DCHS2: variants seen among roughly 807,000 people sequenced by gnomAD.
DCHS2 encodes the protein protocadherin-23.
DCHS2 carries 142 observed loss-of-function variants against 182.4 expected under a neutral mutation model. The observed-to-expected ratio is 0.78, with a 90% CI of 0.68 to 0.89. The LOEUF is 0.89. Among genes scored for constraint, DCHS2 ranks in the 40% least tolerant of loss-of-function variants. The pLI is 0.00. For synonymous variants in DCHS2, 1,740 were observed against 1,663.3 expected, an observed-to-expected ratio of 1.05 and a Z score of -1.12; for missense variants, 4,319 against 4,198.6, an observed-to-expected ratio of 1.03 and a Z score of -0.79.
At chr4:154,316,138 T>G in intron 9 of DCHS2, 151 bp from the exon 10 acceptor site, 1 of 1,280,166 alleles carries the variant, frequency 7.8e-7, no homozygotes, top group Non-Finnish European at 1.0e-6. Context: ...TTTAAATGTA[T>G]ACACTATCTA....
chr4:154,250,303 T>C lies in DCHS2; in HGVS notation c.6941+5216A>G, dbSNP rs141054200. On this transcript the variant is annotated intron_variant, in intron 16 of 19. Coordinates refer to ENST00000357232, the MANE Select transcript of DCHS2 (RefSeq NM_001358235.2). The stretch of plus-strand genomic sequence containing the variant: ...AGATCTTTCTATTCCCTAAATATAT[T>C]TTGCAGTTCCTATTTATCGGCCGAA... Among the ~76,000 whole-genome samples the C allele has an allele frequency of 3.5e-4, 53 of 152,244 alleles. 1 individual carries two copies. In the East Asian group the frequency reaches 7.3e-3, roughly 21 times the overall value.
intron 13 of DCHS2, among the ~76,000 whole-genome samples, chr4:154,285,917 G>C (rs1262046798): frequency 2.6e-5 from 4 of 152,094 alleles, no homozygotes; most frequent in Non-Finnish European, 5.9e-5. Context: ...CCTTCAAGGG[G>C]ACCCAGTGCT....
intron 14 of DCHS2, 147 bp downstream of exon 14, chr4:154,269,753 C>A: frequency 1.2e-6 from 1 of 816,146 alleles, no homozygotes; most frequent in Non-Finnish European, 1.8e-6. Flanking sequence ...TTTGATTTCC[C>A]ATAATTTTTC....
intron 16 of DCHS2, among the ~76,000 whole-genome samples, chr4:154,250,451 C>A (rs1168977398): frequency 2.0e-5 from 3 of 152,072 alleles, no homozygotes; most frequent in Admixed American, 6.6e-5. Flanking sequence ...AGACCCCTAC[C>A]CTGAGCTACA....
intron 1 of DCHS2, among the ~76,000 whole-genome samples, chr4:154,484,673 C>T (rs749097952): frequency 6.6e-6 from 1 of 152,242 alleles, no homozygotes; most frequent in Non-Finnish European, 1.5e-5. Flanking sequence ...AATGATTTCG[C>T]ATAATTTCCC....
At chr4:154,381,709 T>C (rs189786279) in intron 1 of DCHS2, among the ~76,000 whole-genome samples, 1 of 151,992 alleles carries the variant, frequency 6.6e-6, no homozygotes, top group Non-Finnish European at 1.5e-5. Context: ...ATAAAATACC[T>C]AGGAATAAAT....
At chr4:154,429,370 G>A (rs1043665688) in intron 1 of DCHS2, among the ~76,000 whole-genome samples, 2 of 152,080 alleles carry the variant, frequency 1.3e-5, no homozygotes, top group Non-Finnish European at 2.9e-5. Flanking sequence ...TTGATGGGAC[G>A]CCAAGTCCTA....
chr4:154,298,384 G>A lies in DCHS2; in HGVS notation c.5930C>T (p.Ser1977Phe). The A allele has an allele frequency of 6.2e-7, 1 of 1,614,180 alleles. No homozygotes were observed. Among genetic ancestry groups the A allele is most frequent in the Non-Finnish European group, 8.5e-7 (1 of 1,180,022 alleles). ...QTEYFLTDEA[S>F]GAFTIDPMSG... Reference sequence around the variant, plus strand: ...CATAGGATCAATGGTGAATGCACCAGAAGCCTCATCAGTCAGAAAATACTC... The same window carrying A: ...CATAGGATCAATGGTGAATGCACCAAAAGCCTCATCAGTCAGAAAATACTC... Residue 1977 changes from serine (S) to phenylalanine (F), a missense_variant, in exon 13 of 20, where the codon TCT becomes TTT. Ser to Phe is a radical substitution (Grantham distance 155). Coordinates refer to ENST00000357232, the MANE Select transcript of DCHS2 (RefSeq NM_001358235.2).
chr4:154,377,462 G>A lies in DCHS2; in HGVS notation c.2053-18C>T, dbSNP rs1730963016. On this transcript the variant is annotated intron_variant, in intron 1 of 19. Coordinates refer to ENST00000357232, the MANE Select transcript of DCHS2 (RefSeq NM_001358235.2). ...GCTGTCACCTGTGAGACAGGAGGGTGATCAGGAGGAAACAGAAATGCTAGC... is the reference window on the plus strand; with the variant it reads ...GCTGTCACCTGTGAGACAGGAGGGTAATCAGGAGGAAACAGAAATGCTAGC... The A allele has an allele frequency of 6.3e-7, 1 of 1,592,686 alleles. No homozygotes were observed. Among genetic ancestry groups the A allele is most frequent in the East Asian group, 2.2e-5 (1 of 44,638 alleles).
intron 1 of DCHS2, among the ~76,000 whole-genome samples, chr4:154,416,499 C>T (rs1334696806): frequency 6.6e-6 from 1 of 152,198 alleles, no homozygotes; most frequent in Non-Finnish European, 1.5e-5. Flanking sequence ...TTCAGGCTCC[C>T]TGAGTCCTGC....
At chr4:154,453,544 G>A (rs570421876) in intron 1 of DCHS2, among the ~76,000 whole-genome samples, 4 of 152,172 alleles carry the variant, frequency 2.6e-5, no homozygotes, top group East Asian at 3.9e-4. Context: ...ACATGTTGGG[G>A]CTGGGCTTTC....
At chr4:154,351,991 T>C (rs576129359) in intron 3 of DCHS2, among the ~76,000 whole-genome samples, 4 of 152,040 alleles carry the variant, frequency 2.6e-5, no homozygotes, top group Non-Finnish European at 2.9e-5. Flanking sequence ...ATCACAGTTA[T>C]AGCTAGGTGC....
intron 19 of DCHS2, chr4:154,237,363 A>T (rs567530015): frequency 1.4e-6 from 1 of 699,350 alleles, no homozygotes; most frequent in African/African-American, 1.8e-5. Flanking sequence ...AATAATATTC[A>T]TGACATTCAC....
intron 1 of DCHS2, among the ~76,000 whole-genome samples, 200 bp from the exon 2 acceptor site, chr4:154,377,644 T>C (rs1730971507): frequency 6.6e-6 from 1 of 152,182 alleles, no homozygotes; most frequent in Non-Finnish European, 1.5e-5. Flanking sequence ...TTGTGAGTTC[T>C]CCTTTTCAAT....
Position 154,234,759 on chromosome 4 carries a change from G to T in DCHS2, c.9893C>A (p.Ala3298Glu). 6.2e-7 allele frequency: 1 copy of T among 1,614,022 alleles called. No individual in the cohort carries two copies. Among genetic ancestry groups the T allele is most frequent in the Non-Finnish European group, 8.5e-7 (1 of 1,179,916 alleles). ...CGGAGGCACCTGCCCCAGGTTTACT[G>T]CCGGCATTCTTGGTGGGACTGCTTT... ...GIKAVPPRMPAVNLGQVPPKH... is the reference protein window; with the variant it reads ...GIKAVPPRMPEVNLGQVPPKH... Residue 3298 changes from alanine (A) to glutamate (E), a missense_variant, in exon 20 of 20, where the codon GCA (alanine) becomes GAA (glutamate). Coordinates refer to ENST00000357232, the MANE Select transcript of DCHS2 (RefSeq NM_001358235.2).
At chr4:154,390,864 G>A (rs971207695) in intron 1 of DCHS2, among the ~76,000 whole-genome samples, 7 of 152,156 alleles carry the variant, frequency 4.6e-5, no homozygotes, top group Non-Finnish European at 1.0e-4. Context: ...TATTTTCATA[G>A]TATTCTTACA....
intron 1 of DCHS2, among the ~76,000 whole-genome samples, chr4:154,463,033 C>A (rs914898666): frequency 1.3e-5 from 2 of 151,766 alleles, no homozygotes; most frequent in African/African-American, 4.8e-5. Flanking sequence ...AAATCCTCAA[C>A]CCCATTCCTC....
At chr4:154,323,460 G>T in intron 7 of DCHS2, 2 of 1,308,956 alleles carry the variant, frequency 1.5e-6, no homozygotes, top group Non-Finnish European at 2.1e-6. Flanking sequence ...CTCCCAGATA[G>T]CTGGGACTAC....
intron 16 of DCHS2, among the ~76,000 whole-genome samples, chr4:154,251,676 G>A (rs57964959): frequency 0.019 from 2,918 of 152,112 alleles, 108 homozygotes; most frequent in African/African-American, 0.066. Flanking sequence ...CCGCCACCAT[G>A]CCTGGCTAAT....
Sources: gnomAD v4.1 joint callset for allele counts (sites outside exome capture counted in the v4.1 genomes callset) on GRCh38, gnomAD v4.1.1 for gene constraint, MANE v1.5 for transcripts, NCBI Gene and HGNC (gene_info 2026-07-23, HGNC 2026-07-21) for gene names.